The following RERE variants were observed in gnomAD, a reference collection of about 807,000 sequenced individuals.
RERE encodes arginine-glutamic acid dipeptide repeats, also known as arginine-glutamic acid dipeptide repeats protein.
In RERE, 40 loss-of-function variants were observed where a neutral mutation model predicts 146.1. The ratio of observed to expected loss-of-function variants is 0.27; its 90% CI spans 0.21 to 0.36. The LOEUF is 0.36. Ranked by LOEUF, RERE falls within the 10% of genes least tolerant of loss-of-function variation. The pLI, the probability that RERE is intolerant of heterozygous loss-of-function variation, is 1.00. For synonymous variants in RERE, 1,003 were observed against 866.0 expected, an observed-to-expected ratio of 1.16 and a Z score of -2.78; for missense variants, 1,933 against 2,138.7, an observed-to-expected ratio of 0.90 and a Z score of 1.90.
At chr1:8,763,990 T>C (rs952899546) in intron 1 of RERE, among the ~76,000 whole-genome samples, 2 of 151,218 alleles carry the variant, frequency 1.3e-5, no homozygotes, top group Non-Finnish European at 1.5e-5. Flanking sequence ...AAGGTGCTAG[T>C]TGACTGTTAT....
At chr1:8,709,013 C>T (rs181598076) in intron 1 of RERE, among the ~76,000 whole-genome samples, 5 of 147,148 alleles carry the variant, frequency 3.4e-5, no homozygotes, top group African/African-American at 1.0e-4. Context: ...CCTGGGTTCA[C>T]GCCATTCTTC....
chr1:8,370,261 G>A (rs984512582), intron 12 of RERE, among the ~76,000 whole-genome samples: 3 of 151,872 alleles, frequency 2.0e-5, no homozygotes, highest in African/African-American at 7.3e-5. Flanking sequence ...AGGCAGACAG[G>A]GACGGTGGGT....
intron 1 of RERE, among the ~76,000 whole-genome samples, chr1:8,731,637 CTA>C (rs376134253): frequency 2.0e-5 from 3 of 151,840 alleles, no homozygotes; most frequent in African/African-American, 7.3e-5. Context: ...AAGACAGACT[CTA>C]TTTAAGAAGG....
chr1:8,468,792 G>A (rs1479092168), intron 10 of RERE, among the ~76,000 whole-genome samples: 1 of 152,108 alleles, frequency 6.6e-6, no homozygotes, highest in Non-Finnish European at 1.5e-5. Context: ...AGCTACTCAG[G>A]AGGCTGAGGT....
At chr1:8,783,106 A>G (rs1641195413) in intron 1 of RERE, among the ~76,000 whole-genome samples, 1 of 152,050 alleles carries the variant, frequency 6.6e-6, no homozygotes, top group Non-Finnish European at 1.5e-5. Flanking sequence ...GGGCGAGACA[A>G]GAGGATCATG....
rs540856092 is a variant in RERE at position 8,404,417 on chromosome 1, C to CA, written c.1284+18309dup. Among the ~76,000 whole-genome samples the CA allele has an allele frequency of 3.2e-3, 453 of 143,702 alleles. 1 individual carries two copies. Among genetic ancestry groups the CA allele is most frequent in the Non-Finnish European group, 4.6e-3 (300 of 65,388 alleles). The allele number at this position is 143,702 out of a possible 152,430, so 94.3% of individuals were successfully genotyped here. ...TCGGCGACATAGTGAGACTCTGTCT[C>CA]AAAAAAAAAACAAACAAACAAAAAA... On this transcript the variant is annotated intron_variant, in intron 12 of 22. Coordinates refer to ENST00000400908, the MANE Select transcript of RERE (RefSeq NM_001042681.2).
At chr1:8,553,678 T>C (rs1178451840) in intron 6 of RERE, among the ~76,000 whole-genome samples, 2 of 152,166 alleles carry the variant, frequency 1.3e-5, no homozygotes, top group Non-Finnish European at 2.9e-5. Flanking sequence ...AAAAAAAAAC[T>C]AATTAATGAG....
At chr1:8,751,173 C>T in intron 1 of RERE, 1 of 263,006 alleles carries the variant, frequency 3.8e-6, no homozygotes, top group South Asian at 6.2e-5. Context: ...TGTTCTGTTG[C>T]CCATCATGAC....
At chr1:8,796,326 C>T (rs1641472444) in intron 1 of RERE, among the ~76,000 whole-genome samples, 1 of 152,178 alleles carries the variant, frequency 6.6e-6, no homozygotes, top group African/African-American at 2.4e-5. Flanking sequence ...TCAATGTTCA[C>T]AGTCTTATTC....
intron 7 of RERE, among the ~76,000 whole-genome samples, chr1:8,539,932 T>G (rs1645777678): frequency 2.0e-5 from 3 of 152,110 alleles, no homozygotes; most frequent in South Asian, 4.1e-4. Context: ...CTTCTACCCC[T>G]ACGTTGACTA....
At chr1:8,479,703 G>A (rs143456398) in intron 10 of RERE, among the ~76,000 whole-genome samples, 3 of 152,324 alleles carry the variant, frequency 2.0e-5, no homozygotes, top group African/African-American at 7.2e-5. Context: ...GCCAGGAGGA[G>A]CCGGAGAGGT....
At chr1:8,628,500 A>C (rs991202369) in intron 2 of RERE, among the ~76,000 whole-genome samples, 1 of 152,184 alleles carries the variant, frequency 6.6e-6, no homozygotes, top group Non-Finnish European at 1.5e-5. Context: ...TAACCCTCTG[A>C]CAAATATTAG....
At chr1:8,683,396 C>T (rs1639017344) in intron 1 of RERE, among the ~76,000 whole-genome samples, 1 of 152,014 alleles carries the variant, frequency 6.6e-6, no homozygotes. Flanking sequence ...TACTTAAAGA[C>T]TAAAGAAATG....
chr1:8,716,783 AAAGT>A (rs1332843407), intron 1 of RERE, among the ~76,000 whole-genome samples: 1 of 152,144 alleles, frequency 6.6e-6, no homozygotes, highest in Non-Finnish European at 1.5e-5. Flanking sequence ...CCTGGTGAAG[AAAGT>A]AATAAAATTT....
At chr1:8,477,276 TCTA>T (rs1644768907) in intron 10 of RERE, among the ~76,000 whole-genome samples, 1 of 152,124 alleles carries the variant, frequency 6.6e-6, no homozygotes. Context: ...CAGTCAATAA[TCTA>T]CTAAGAAGAC....
At chr1:8,750,132 C>G (rs913818030) in intron 1 of RERE, among the ~76,000 whole-genome samples, 3 of 105,236 alleles carry the variant, frequency 2.9e-5, no homozygotes, top group African/African-American at 1.1e-4. Context: ...GCCTGGGTGA[C>G]AGAACAAGCC....
rs1186832596 is a variant in RERE, at chr1:8,805,008, G to GTTTT, written c.-145+12148_-145+12151dup. Among the ~76,000 whole-genome samples, 93 of 77,852 alleles carry GTTTT rather than the reference G, an allele frequency of 1.2e-3. 4 individuals are homozygous for GTTTT. Among genetic ancestry groups the GTTTT allele is most frequent in the African/African-American group, 1.7e-3 (34 of 19,522 alleles). 51.1% of individuals were successfully genotyped at this position (77,852 alleles called of 152,430 possible). A position where few individuals can be genotyped will look rare whatever the true frequency, so the allele number is the denominator to read the frequency against. On this transcript the variant is annotated intron_variant, in intron 1 of 22. Coordinates refer to ENST00000400908, the MANE Select transcript of RERE (RefSeq NM_001042681.2). ...TTTTTTTTGTTTTGTTTTGTTTTTGGTTTTTTTTTTTTTTTTTTTTGAGAC... is the reference window on the plus strand; with the variant it reads ...TTTTTTTTGTTTTGTTTTGTTTTTGGTTTTTTTTTTTTTTTTTTTTTTTTGAGAC...
At chr1:8,371,688 G>T (rs116699257) in intron 12 of RERE, among the ~76,000 whole-genome samples, 3 of 152,172 alleles carry the variant, frequency 2.0e-5, no homozygotes, top group African/African-American at 7.2e-5. Context: ...CAGACACAAC[G>T]TAAGACATCA....
intron 4 of RERE, among the ~76,000 whole-genome samples, chr1:8,607,059 T>C (rs1557430909): frequency 1.3e-5 from 2 of 152,222 alleles, no homozygotes; most frequent in African/African-American, 2.4e-5. Flanking sequence ...AAGGCCTTGA[T>C]ATTTATAGAA....
Sources: allele counts gnomAD v4.1 joint callset (sites outside exome capture counted in the v4.1 genomes callset), GRCh38; gene constraint gnomAD v4.1.1; transcripts MANE v1.5; gene names NCBI Gene and HGNC (gene_info 2026-07-23, HGNC 2026-07-21).